Variants in MAN1A2 observed in about 807,000 individuals in gnomAD.
MAN1A2 encodes the protein mannosidase alpha class 1A member 2.
Under a neutral mutation model 75.7 loss-of-function variants are expected in MAN1A2, and 26 were observed. The observed-to-expected ratio is 0.34, with a 90% CI of 0.25 to 0.48. The LOEUF is 0.48. Ranked by LOEUF, MAN1A2 falls within the 20% of genes least tolerant of loss-of-function variation. The probability of loss-of-function intolerance (pLI) is 0.99; values close to 1 mark genes in which losing one functional copy is unlikely to be tolerated. For missense variants in MAN1A2, 562 were observed against 775.5 expected, an observed-to-expected ratio of 0.72 and a Z score of 3.27; for synonymous variants, 247 against 264.6, an observed-to-expected ratio of 0.93 and a Z score of 0.65.
At chr1:117,455,017 G>A (rs1649534530) in intron 6 of MAN1A2, among the ~76,000 whole-genome samples, 2 of 152,124 alleles carry the variant, frequency 1.3e-5, no homozygotes, top group South Asian at 4.1e-4. Flanking sequence ...GGGAAAAATA[G>A]ACAATGAAAA....
chr1:117,401,314 A>G (rs937596149), intron 1 of MAN1A2, among the ~76,000 whole-genome samples: 4 of 152,198 alleles, frequency 2.6e-5, no homozygotes, highest in African/African-American at 9.6e-5. Flanking sequence ...TAGCAATGTT[A>G]TAAGTTCAGC....
chr1:117,515,270 G>A (rs1357146556), intron 12 of MAN1A2: 1 of 155,920 alleles, frequency 6.4e-6, no homozygotes, highest in Non-Finnish European at 1.4e-5. Flanking sequence ...TAGATTTAAA[G>A]TATGTGGGAG....
chr1:117,481,222 C>T (rs887953342), intron 8 of MAN1A2, among the ~76,000 whole-genome samples: 1 of 151,756 alleles, frequency 6.6e-6, no homozygotes, highest in African/African-American at 2.4e-5. Context: ...TTCTCATAGC[C>T]AGTAGGTTCC....
chr1:117,383,110 T>TAAGA (rs1653405188), intron 1 of MAN1A2, among the ~76,000 whole-genome samples: 1 of 152,224 alleles, frequency 6.6e-6, no homozygotes, highest in Non-Finnish European at 1.5e-5. Flanking sequence ...GTCTTACTCC[T>TAAGA]TATCTTAGGG....
intron 6 of MAN1A2, among the ~76,000 whole-genome samples, 186 bp from the exon 7 acceptor site, chr1:117,460,303 G>A (rs1015377086): frequency 2.6e-5 from 4 of 151,978 alleles, no homozygotes; most frequent in Non-Finnish European, 5.9e-5. Flanking sequence ...AAAAACTACT[G>A]TTTTAATTTT....
At chr1:117,469,509 A>G (rs1431368899) in intron 8 of MAN1A2, among the ~76,000 whole-genome samples, 1 of 152,062 alleles carries the variant, frequency 6.6e-6, no homozygotes, top group Non-Finnish European at 1.5e-5. Flanking sequence ...CATACTATCT[A>G]TGAGAAAGAA....
At chr1:117,508,148 T>C (rs1193297948) in intron 12 of MAN1A2, among the ~76,000 whole-genome samples, 1 of 151,774 alleles carries the variant, frequency 6.6e-6, no homozygotes, top group Non-Finnish European at 1.5e-5. Context: ...CCTAGATCTT[T>C]CTTTGAATTA....
chr1:117,398,535 G>A (rs534778782), intron 1 of MAN1A2, among the ~76,000 whole-genome samples: 97 of 152,194 alleles, frequency 6.4e-4, no homozygotes, highest in African/African-American at 8.7e-4. Context: ...TTAGCCAGGC[G>A]TGGTGGCGTG....
intron 12 of MAN1A2, among the ~76,000 whole-genome samples, chr1:117,521,384 G>A (rs1651866305): frequency 6.6e-6 from 1 of 151,804 alleles, no homozygotes; most frequent in East Asian, 1.9e-4. Context: ...CCCACAGAGT[G>A]GGAGAAGAAG....
At chr1:117,456,317 G>T (rs1281146708) in intron 6 of MAN1A2, among the ~76,000 whole-genome samples, 1 of 151,918 alleles carries the variant, frequency 6.6e-6, no homozygotes, top group Non-Finnish European at 1.5e-5. Flanking sequence ...TGTTTTATAA[G>T]CCAGATTATG....
chr1:117,489,206 G>A (rs1455639001), intron 8 of MAN1A2, among the ~76,000 whole-genome samples: 1 of 151,966 alleles, frequency 6.6e-6, no homozygotes, highest in Non-Finnish European at 1.5e-5. Context: ...TTCTGATTAA[G>A]TTCTTTTACA....
intron 3 of MAN1A2, among the ~76,000 whole-genome samples, chr1:117,410,076 A>C (rs955137651): frequency 1.3e-5 from 2 of 151,920 alleles, no homozygotes; most frequent in African/African-American, 4.8e-5. Flanking sequence ...TACCTAATAC[A>C]ATAGAAATAG....
chr1:117,505,533 A>G (rs1340190049), intron 12 of MAN1A2, among the ~76,000 whole-genome samples: 3 of 151,174 alleles, frequency 2.0e-5, no homozygotes, highest in African/African-American at 4.8e-5. Context: ...AGAAAAACAT[A>G]TATCTGGAGC....
intron 8 of MAN1A2, among the ~76,000 whole-genome samples, chr1:117,478,972 G>C (rs1408009415): frequency 1.3e-5 from 2 of 151,304 alleles, no homozygotes; most frequent in Non-Finnish European, 3.0e-5. Context: ...GGATGTGCTT[G>C]TTACATAGGT....
intron 9 of MAN1A2, chr1:117,493,923 C>T (rs1650966363): frequency 6.7e-6 from 1 of 149,436 alleles, no homozygotes; most frequent in Non-Finnish European, 1.5e-5. Context: ...TCAAATGAAC[C>T]CTTGAATCTA....
chr1:117,495,353 A>T (rs1448395803), intron 9 of MAN1A2, among the ~76,000 whole-genome samples: 1 of 151,894 alleles, frequency 6.6e-6, no homozygotes, highest in Non-Finnish European at 1.5e-5. Context: ...AATTATTTTC[A>T]AAAACTATTC....
chr1:117,372,555 T>C (rs1289708126), intron 1 of MAN1A2, among the ~76,000 whole-genome samples: 1 of 152,182 alleles, frequency 6.6e-6, no homozygotes, highest in Non-Finnish European at 1.5e-5. Context: ...TTTCAAACAC[T>C]GTAGATACAC....
intron 11 of MAN1A2, among the ~76,000 whole-genome samples, chr1:117,502,022 A>G (rs1394450094): frequency 6.6e-6 from 1 of 151,798 alleles, no homozygotes; most frequent in East Asian, 1.9e-4. Flanking sequence ...TTGTGAATAG[A>G]TTCCATTTGA....
intron 7 of MAN1A2, among the ~76,000 whole-genome samples, chr1:117,463,713 TA>T (rs151196628): frequency 0.13 from 18,219 of 143,696 alleles, 1,137 homozygotes; most frequent in Non-Finnish European, 0.14. Flanking sequence ...TTAAAAACAG[TA>T]AAAAAAAAAA....
Sources: allele counts gnomAD v4.1 joint callset (sites outside exome capture counted in the v4.1 genomes callset), GRCh38; gene constraint gnomAD v4.1.1; transcripts MANE v1.5; gene names NCBI Gene and HGNC (gene_info 2026-07-23, HGNC 2026-07-21).